The following DVL2 variants were observed in gnomAD, a reference collection of about 807,000 sequenced individuals.
DVL2 encodes segment polarity protein dishevelled homolog DVL-2.
DVL2 carries 38 observed loss-of-function variants against 69.8 expected under a neutral mutation model. The ratio of observed to expected loss-of-function variants is 0.54; its 90% CI spans 0.42 to 0.71. The LOEUF (loss-of-function observed/expected upper bound fraction) is 0.71, where lower values mean the gene tolerates loss of function less well. Among genes scored for constraint, DVL2 ranks in the 30% least tolerant of loss-of-function variants. The pLI, the probability that DVL2 is intolerant of heterozygous loss-of-function variation, is 0.00. For synonymous variants in DVL2, 428 were observed against 392.4 expected (o/e 1.09, Z -1.07); for missense variants, 931 against 1,008.1 (o/e 0.92, Z 1.04).
Position 7,234,493 on chromosome 17 carries a change from C to T in DVL2, c.-231G>A. ...GGCCGCCGCGCGCCACCGCCACCGA[C>T]GCCGCGAGCTTCCTCCAGGTACCCG... On this transcript the variant is annotated 5_prime_UTR_variant, in exon 1 of 15. Transcript: ENST00000005340. 3.7e-6 allele frequency: 2 copies of T among 539,852 alleles called. No individual in the cohort carries two copies. Among genetic ancestry groups the T allele is most frequent in the Non-Finnish European group, 3.2e-6 (1 of 312,952 alleles). The allele number at this position is 539,852 out of a possible 1,614,324, so 33.4% of individuals were successfully genotyped here.
At chr17:7,228,214 C>A (rs2071487963) in intron 9 of DVL2, 170 bp from the exon 10 acceptor site, 2 of 567,264 alleles carry the variant, frequency 3.5e-6, no homozygotes, top group Non-Finnish European at 6.4e-6. Flanking sequence ...GATGACTCAT[C>A]AACATGGAAA....
At chr17:7,233,087 C>CAAAAATAAAAAAAAAAAA (rs2071568683) in intron 1 of DVL2, among the ~76,000 whole-genome samples, 1 of 36,284 alleles carries the variant, frequency 2.8e-5, no homozygotes. Context: ...GAGACTGTCT[C>CAAAAATAAAAAAAAAAAA]AAAAAAAAAA....
rs943188580 is a variant in DVL2, at chr17:7,233,866, T to C, written c.194+203A>G. On this transcript the variant is annotated intron_variant, in intron 1 of 14. Coordinates refer to ENST00000005340, the MANE Select transcript of DVL2 (RefSeq NM_004422.3). ...TAATCTTGTCTAATCTGGTTTAGGATATCCTAGTCTGTCCGTGTGCCTCAA... is the reference window on the plus strand; with the variant it reads ...TAATCTTGTCTAATCTGGTTTAGGACATCCTAGTCTGTCCGTGTGCCTCAA... 27 of 642,148 alleles carry C rather than the reference T, an allele frequency of 4.2e-5. No homozygotes were observed. The African/African-American group carries it at 4.6e-4, about 11-fold the overall frequency. The allele number at this position is 642,148 out of a possible 1,614,324, so 39.8% of individuals were successfully genotyped here. A position where few individuals can be genotyped will look rare whatever the true frequency, so the allele number is the denominator to read the frequency against.
chr17:7,226,247 C>A lies in DVL2; in HGVS notation c.1829G>T (p.Arg610Leu). Reference sequence around the variant, plus strand: ...ACTGCCGGACTTGGACTCGGGGGCCCGCTCCTCGGGCCTCCCCGTGCGCCC... The same window carrying A: ...ACTGCCGGACTTGGACTCGGGGGCCAGCTCCTCGGGCCTCCCCGTGCGCCC... ...GAGRTGRPEERAPESKSGSGS... is the reference protein window; with the variant it reads ...GAGRTGRPEELAPESKSGSGS... The change falls in exon 15 of 15, where the codon CGG becomes CTG. Residue 610 changes from arginine to leucine, a missense_variant. By Grantham distance (102) the Arg-to-Leu change is moderately radical (BLOSUM62 -2). Transcript: ENST00000005340. 1 of 1,611,042 alleles carries A rather than the reference C, an allele frequency of 6.2e-7. No homozygotes were observed.
rs967108565 is a variant in DVL2 at position 7,225,665 on chromosome 17, A to G, written c.*200T>C. ...AAAGGCTTATAAAAAAACAAAGCTA[A>G]AAATAATCAAAGGTCCCTTGTCTAC... On this transcript the variant is annotated 3_prime_UTR_variant, in exon 15 of 15. Coordinates refer to ENST00000005340, the MANE Select transcript of DVL2 (RefSeq NM_004422.3). The G allele has an allele frequency of 8.7e-6, 5 of 574,064 alleles. No individual in the cohort carries two copies. Among genetic ancestry groups the G allele is most frequent in the Non-Finnish European group, 1.5e-5 (5 of 326,918 alleles). 35.6% of individuals were successfully genotyped at this position (574,064 alleles called of 1,614,324 possible).
chr17:7,228,785 T>C (rs1437174152), intron 9 of DVL2, 184 bp downstream of exon 9: 1 of 594,950 alleles, frequency 1.7e-6, no homozygotes, highest in African/African-American at 1.9e-5. Flanking sequence ...TTTCACCACA[T>C]TGGTCAGGCT....
chr17:7,226,100 C>T lies in DVL2; in HGVS notation c.1976G>A (p.Arg659Gln), dbSNP rs369108754. 5.6e-6 allele frequency: 9 copies of T among 1,593,874 alleles called. No homozygotes were observed. Among genetic ancestry groups the T allele is most frequent in the South Asian group, 3.4e-5 (3 of 88,990 alleles). The change falls in exon 15 of 15, where the codon CGA (arginine) becomes CAA (glutamine). Residue 659 changes from arginine to glutamine, a missense_variant. This residue lies in a region of DVL2 where 314 missense variants were observed against 313.7 expected (regional missense o/e 1.00). Coordinates refer to ENST00000005340, the MANE Select transcript of DVL2 (RefSeq NM_004422.3). ...ATAGGGATGGAGCCCTGGGTGGGCT[C>T]GGAGATTAGGGGCACCCCCAGTTGA... ...RGSTGGAPNL[R>Q]AHPGLHPYGP...
In DVL2 at chr17:7,229,691, T is replaced by A; in HGVS notation, c.657-13A>T. 1.3e-6 allele frequency: 2 copies of A among 1,555,144 alleles called. No individual in the cohort carries two copies. Among genetic ancestry groups the A allele is most frequent in the Non-Finnish European group, 1.7e-6 (2 of 1,147,858 alleles). ...GGAGCTGCTGAACCTACCAGGAGGT[T>A]GGGAAGGAGAGCAAACGTAGGCCAA... On this transcript the variant is annotated splice_polypyrimidine_tract_variant and intron_variant, in intron 5 of 14. Transcript: ENST00000005340. The surrounding 1 kb of genome is among the most constrained non-coding windows in gnomAD (Gnocchi z 4.4).
chr17:7,225,958 G>C lies in DVL2; in HGVS notation c.2118C>G (p.Asp706Glu), dbSNP rs201947862. 15 of 1,613,860 alleles carry C rather than the reference G, an allele frequency of 9.3e-6. 1 individual carries two copies. The Admixed American group carries it at 2.0e-4, about 22-fold the overall frequency. ...VQPPGAPPVRDLGSVPPELTA... is the reference protein window; with the variant it reads ...VQPPGAPPVRELGSVPPELTA... ...TCAGTTCTGGGGGCACAGAGCCCAG[G>C]TCTCTGACTGGAGGGGCCCCCGGAG... Residue 706 changes from aspartate (D) to glutamate (E), a missense_variant, in exon 15 of 15, where the codon GAC becomes GAG. By Grantham distance (45) the Asp-to-Glu change is conservative (BLOSUM62 2). Coordinates refer to ENST00000005340, the MANE Select transcript of DVL2 (RefSeq NM_004422.3).
intron 10 of DVL2, 53 bp from the exon 11 acceptor site, chr17:7,227,836 C>T (rs1251682460): frequency 1.9e-6 from 3 of 1,556,436 alleles, no homozygotes; most frequent in South Asian, 2.4e-5. Flanking sequence ...AAAAGCCAGC[C>T]CAGTCCCTCC....
chr17:7,230,222 T>C (rs2071521586), intron 3 of DVL2, 63 bp downstream of exon 3: 1 of 1,611,142 alleles, frequency 6.2e-7, no homozygotes, highest in Non-Finnish European at 8.5e-7. Flanking sequence ...AGGCGTCCCC[T>C]ACCAAAGGCC....
chr17:7,229,844 C>G lies in DVL2; in HGVS notation c.620G>C (p.Ser207Thr), dbSNP rs1484359181. The G allele has an allele frequency of 6.2e-7, 1 of 1,612,294 alleles. No individual in the cohort carries two copies. Among genetic ancestry groups the G allele is most frequent in the South Asian group, 1.1e-5 (1 of 91,078 alleles). ...GTCCTCCTCGTCCGAGTCCCCCAGGCTGGTACTCTCCAGCTCGCTGGTCAT... is the reference window on the plus strand; with the variant it reads ...GTCCTCCTCGTCCGAGTCCCCCAGGGTGGTACTCTCCAGCTCGCTGGTCAT... ...TLMTSELEST[S>T]LGDSDEEDTM... The change falls in exon 5 of 15, where the codon AGC becomes ACC. Residue 207 changes from serine to threonine, a missense_variant. Physicochemically the swap from Ser to Thr is moderately conservative, Grantham distance 58 (BLOSUM62 1). Around this residue, in one of 3 missense-constraint regions of DVL2, gnomAD observed 555 missense variants for 588.8 expected, o/e 0.94. Coordinates refer to ENST00000005340, the MANE Select transcript of DVL2 (RefSeq NM_004422.3). The surrounding 1 kb of genome is among the most constrained non-coding windows in gnomAD (Gnocchi z 4.4).
chr17:7,225,577 T>G lies in DVL2; in HGVS notation c.*288A>C. 1 of 467,778 alleles carries G rather than the reference T, an allele frequency of 2.1e-6. No homozygotes were observed. The highest frequency in any genetic ancestry group is 4.2e-5 in the East Asian group (1 of 23,696). The allele number at this position is 467,778 out of a possible 1,614,324, so 29.0% of individuals were successfully genotyped here. A position where few individuals can be genotyped will look rare whatever the true frequency, so the allele number is the denominator to read the frequency against. The stretch of plus-strand genomic sequence containing the variant: ...GCCCAATGGATGGGAATTCTTCATA[T>G]AAAAGAGGAAATGCCTATTAAAAAA... On this transcript the variant is annotated 3_prime_UTR_variant, in exon 15 of 15. Coordinates refer to ENST00000005340, the MANE Select transcript of DVL2 (RefSeq NM_004422.3).
rs978747732 is a variant in DVL2, at chr17:7,225,415, A to G, written c.*450T>C. ...TAAATAGAGTAACAAAGGCAGCTAC[A>G]TGGCCCAAATCTCCCAGCTTCCTCA... is the stretch of plus-strand genomic sequence containing the variant. On this transcript the variant is annotated 3_prime_UTR_variant, in exon 15 of 15. Coordinates refer to ENST00000005340, the MANE Select transcript of DVL2 (RefSeq NM_004422.3). 2.2e-5 allele frequency: 10 copies of G among 452,072 alleles called. No individual in the cohort carries two copies. The highest frequency in any genetic ancestry group is 2.0e-4 in the African/African-American group (10 of 50,350). The allele number at this position is 452,072 out of a possible 1,614,324, so 28.0% of individuals were successfully genotyped here. A position where few individuals can be genotyped will look rare whatever the true frequency, so the allele number is the denominator to read the frequency against.
intron 1 of DVL2, among the ~76,000 whole-genome samples, chr17:7,231,087 G>C: frequency 6.6e-6 from 1 of 152,154 alleles, no homozygotes; most frequent in Non-Finnish European, 1.5e-5. Context: ...AAGCAATCCC[G>C]CACGCTGATG....
chr17:7,234,258 G>T lies in DVL2; in HGVS notation c.5C>A (p.Ala2Glu), dbSNP rs1337233293. Reference sequence around the variant, plus strand: ...CCCACCGCCCCCAGTGCTGCTACCCGCCATGGTCTCGCCCGCGCGCTCCCG... The same window carrying T: ...CCCACCGCCCCCAGTGCTGCTACCCTCCATGGTCTCGCCCGCGCGCTCCCG... M[A>E]GSSTGGGGVG... Residue 2 changes from alanine to glutamate, a missense_variant, in exon 1 of 15, where the codon GCG becomes GAG. Ala to Glu is a moderately radical substitution (Grantham distance 107, BLOSUM62 -1). Around this residue, in one of 3 missense-constraint regions of DVL2, gnomAD observed 555 missense variants for 588.8 expected, o/e 0.94. Coordinates refer to ENST00000005340, the MANE Select transcript of DVL2 (RefSeq NM_004422.3). 1 of 1,403,054 alleles carries T rather than the reference G, an allele frequency of 7.1e-7. No individual in the cohort carries two copies. The allele number at this position is 1,403,054 out of a possible 1,614,324, so 86.9% of individuals were successfully genotyped here.
rs537514398 is a variant in DVL2 at position 7,227,505 on chromosome 17, G to C, written c.1262C>G (p.Thr421Arg). 6.2e-7 allele frequency: 1 copy of C among 1,614,148 alleles called. No individual in the cohort carries two copies. Among genetic ancestry groups the C allele is most frequent in the Non-Finnish European group, 8.5e-7 (1 of 1,180,000 alleles). ...GGCCTTGGTCACCGATGCCATGTCC[G>C]TATGGACGGAGAGACCCCGGCCTTC... ...GCEGRGLSVH[T>R]DMASVTKAMA... Residue 421 changes from threonine to arginine, a missense_variant, in exon 12 of 15, where the codon ACG becomes AGG. By Grantham distance (71) the Thr-to-Arg change is moderately conservative. Coordinates refer to ENST00000005340, the MANE Select transcript of DVL2 (RefSeq NM_004422.3).
At position 7,226,144 on chromosome 17, in the gene DVL2, G is replaced by A. The variant is rs1299789778; in HGVS notation, c.1932C>T (p.Gly644=). 1.2e-6 allele frequency: 2 copies of A among 1,605,846 alleles called. No individual in the cohort carries two copies. Among genetic ancestry groups the A allele is most frequent in the Admixed American group, 3.4e-5 (2 of 59,146 alleles). The change falls in exon 15 of 15, where the codon GGC becomes GGT. Residue 644 remains glycine (G), a synonymous_variant. Coordinates refer to ENST00000005340, the MANE Select transcript of DVL2 (RefSeq NM_004422.3). Reference sequence around the variant, plus strand: ...CAGTTGAGCCTCTGGATGGAGGAGGGCCCCCATCGCTAGTCCCACTTGCTT... The same window carrying A: ...CAGTTGAGCCTCTGGATGGAGGAGGACCCCCATCGCTAGTCCCACTTGCTT... ...GGEASGTSDG[G]PPPSRGSTGG... is the part of the protein sequence containing the mutation.
chr17:7,226,248 G>A lies in DVL2; in HGVS notation c.1828C>T (p.Arg610Trp), dbSNP rs779516848. The change falls in exon 15 of 15, where the codon CGG becomes TGG. Residue 610 changes from arginine (R) to tryptophan (W), a missense_variant. Transcript: ENST00000005340. Reference sequence around the variant, plus strand: ...CTGCCGGACTTGGACTCGGGGGCCCGCTCCTCGGGCCTCCCCGTGCGCCCT... The same window carrying A: ...CTGCCGGACTTGGACTCGGGGGCCCACTCCTCGGGCCTCCCCGTGCGCCCT... The part of the protein sequence containing the change: ...GAGRTGRPEE[R>W]APESKSGSGS... 7.3e-5 allele frequency: 117 copies of A among 1,610,394 alleles called. 1 individual carries two copies. Among genetic ancestry groups the A allele is most frequent in the Non-Finnish European group, 9.0e-5 (106 of 1,179,146 alleles).
Sources: allele counts gnomAD v4.1 joint callset (sites outside exome capture counted in the v4.1 genomes callset), GRCh38; gene constraint gnomAD v4.1.1; regional missense constraint gnomAD v4.1.1; non-coding constraint Gnocchi (gnomAD v3.1); transcripts MANE v1.5; gene names NCBI Gene and HGNC (gene_info 2026-07-23, HGNC 2026-07-21).